Variants in LOXHD1 observed in about 807,000 individuals in gnomAD.
LOXHD1 encodes lipoxygenase homology domain-containing protein 1.
Under a neutral mutation model 248.2 loss-of-function variants are expected in LOXHD1, and 205 were observed. That is an observed-to-expected ratio of 0.83 (90% CI 0.74 to 0.93). The LOEUF (loss-of-function observed/expected upper bound fraction) is 0.93, where lower values mean the gene tolerates loss of function less well. Ranked by LOEUF, LOXHD1 falls within the 40% of genes least tolerant of loss-of-function variation. The probability of loss-of-function intolerance (pLI) is 0.00; values close to 1 mark genes in which losing one functional copy is unlikely to be tolerated. For missense variants in LOXHD1, 2,930 were observed against 2,971.6 expected (o/e 0.99, Z 0.33); for synonymous variants, 1,113 against 1,162.8 (o/e 0.96, Z 0.87).
At chr18:46,624,048 ATGAACTGG>A (rs2144340991) in intron 4 of LOXHD1, among the ~76,000 whole-genome samples, 1 of 152,364 alleles carries the variant, frequency 6.6e-6, no homozygotes, top group African/African-American at 2.4e-5. Flanking sequence ...AGAATCATGA[ATGAACTGG>A]TGGAGTTTCT....
chr18:46,551,842 C>A (rs1033193366), intron 21 of LOXHD1, among the ~76,000 whole-genome samples: 1 of 152,148 alleles, frequency 6.6e-6, no homozygotes, highest in South Asian at 2.1e-4. Flanking sequence ...AAAGGTGGTA[C>A]GTACATACAA....
intron 37 of LOXHD1, among the ~76,000 whole-genome samples, chr18:46,490,675 A>T (rs1455869670): frequency 2.0e-5 from 3 of 152,152 alleles, no homozygotes; most frequent in African/African-American, 7.2e-5. Flanking sequence ...GGGTTTCTCC[A>T]TGTTGGTCAG....
At chr18:46,628,033 T>G (rs2038768698) in intron 4 of LOXHD1, among the ~76,000 whole-genome samples, 2 of 152,146 alleles carry the variant, frequency 1.3e-5, no homozygotes, top group Non-Finnish European at 2.9e-5. Flanking sequence ...AATCACTGAA[T>G]GAATGTGCTT....
intron 26 of LOXHD1, 120 bp from the exon 27 acceptor site, chr18:46,534,571 G>T (rs559032097): frequency 1.1e-5 from 8 of 735,130 alleles, no homozygotes; most frequent in Non-Finnish European, 1.9e-5. Flanking sequence ...CTCCTGATAC[G>T]TCTCCACTAT....
At chr18:46,535,353 G>A (rs188513735) in intron 26 of LOXHD1, among the ~76,000 whole-genome samples, 4 of 152,218 alleles carry the variant, frequency 2.6e-5, no homozygotes, top group East Asian at 1.9e-4. Context: ...CTCATAATGC[G>A]GTGGTGAGCC....
intron 1 of LOXHD1, among the ~76,000 whole-genome samples, chr18:46,655,037 G>C (rs2039161958): frequency 6.6e-6 from 1 of 152,154 alleles, no homozygotes; most frequent in South Asian, 2.1e-4. Context: ...GAAAAAAAAG[G>C]ATAACACATC....
At chr18:46,626,354 G>A (rs931282623) in intron 4 of LOXHD1, among the ~76,000 whole-genome samples, 5 of 152,192 alleles carry the variant, frequency 3.3e-5, no homozygotes, top group East Asian at 3.9e-4. Flanking sequence ...CCCAGCCAAC[G>A]TGGTAAAACC....
intron 14 of LOXHD1, among the ~76,000 whole-genome samples, chr18:46,574,598 C>CA (rs1235100785): frequency 1.4e-5 from 2 of 138,042 alleles, no homozygotes; most frequent in South Asian, 2.3e-4. Flanking sequence ...GTCAGCAAGA[C>CA]ATAAGAACCC....
chr18:46,541,619 C>T (rs1349709724), intron 25 of LOXHD1, among the ~76,000 whole-genome samples, 157 bp downstream of exon 25: 1 of 152,112 alleles, frequency 6.6e-6, no homozygotes, highest in Non-Finnish European at 1.5e-5. Context: ...GCCCACAGCC[C>T]CCACAGAGTC....
chr18:46,485,581 C>A (rs1170412414), intron 38 of LOXHD1, among the ~76,000 whole-genome samples: 3 of 152,152 alleles, frequency 2.0e-5, no homozygotes, highest in Non-Finnish European at 4.4e-5. Flanking sequence ...TCACTTGCAT[C>A]TTGTCTTGGT....
At chr18:46,496,423 T>C (rs556692215) in intron 37 of LOXHD1, among the ~76,000 whole-genome samples, 1 of 152,352 alleles carries the variant, frequency 6.6e-6, no homozygotes, top group East Asian at 1.9e-4. Flanking sequence ...ATGGTATTTG[T>C]TCAGAAATCC....
At position 46,604,214 on chromosome 18, in the gene LOXHD1, T is replaced by C; in HGVS notation, c.775A>G (p.Ile259Val). The change falls in exon 7 of 41, where the codon ATT becomes GTT. Residue 259 changes from isoleucine to valine, a missense_variant. Ile to Val is a conservative substitution (Grantham distance 29, BLOSUM62 3). Transcript: ENST00000642948. Reference sequence around the variant, plus strand: ...AAGTCATATTTTCTTTTGTTCCCAATATCTTCAATGACTATCTGGGAAGGA... The same window carrying C: ...AAGTCATATTTTCTTTTGTTCCCAACATCTTCAATGACTATCTGGGAAGGA... ...WFLSQIVIED[I>V]GNKRKYDFPL... 2.6e-6 allele frequency: 4 copies of C among 1,551,754 alleles called. No individual in the cohort carries two copies. The highest frequency in any genetic ancestry group is 3.5e-6 in the Non-Finnish European group (4 of 1,146,984).
intron 7 of LOXHD1, among the ~76,000 whole-genome samples, chr18:46,601,943 T>C (rs574330187): frequency 6.6e-6 from 1 of 152,198 alleles, no homozygotes; most frequent in Non-Finnish European, 1.5e-5. Flanking sequence ...AAAACATAAC[T>C]TTTAATAGAG....
chr18:46,642,919 G>C (rs1004600295), intron 2 of LOXHD1, among the ~76,000 whole-genome samples: 3 of 152,194 alleles, frequency 2.0e-5, no homozygotes, highest in African/African-American at 7.2e-5. Flanking sequence ...CTCTCAGCCA[G>C]GACTCTCAGG....
At chr18:46,603,255 T>C (rs1179771888) in intron 7 of LOXHD1, among the ~76,000 whole-genome samples, 2 of 150,608 alleles carry the variant, frequency 1.3e-5, no homozygotes, top group African/African-American at 2.4e-5. Context: ...GTTCCGAGGA[T>C]AGAGAGAGAG....
chr18:46,480,760 A>G (rs2032493568), intron 40 of LOXHD1, among the ~76,000 whole-genome samples: 1 of 152,202 alleles, frequency 6.6e-6, no homozygotes, highest in African/African-American at 2.4e-5. Context: ...TATTAGAAAA[A>G]TCCCAGAGAG....
chr18:46,495,782 G>A (rs1190055729), intron 37 of LOXHD1, among the ~76,000 whole-genome samples: 1 of 152,170 alleles, frequency 6.6e-6, no homozygotes, highest in Non-Finnish European at 1.5e-5. Flanking sequence ...TCATTGTTAA[G>A]TATGATAGTG....
At chr18:46,607,549 G>A (rs2038436611) in intron 6 of LOXHD1, among the ~76,000 whole-genome samples, 1 of 151,042 alleles carries the variant, frequency 6.6e-6, no homozygotes. Flanking sequence ...AATATTAACT[G>A]GTTATTTTTG....
In LOXHD1 at chr18:46,509,800, C is replaced by G; in HGVS notation, c.5415G>C (p.Gln1805His). 3.9e-6 allele frequency: 6 copies of G among 1,522,092 alleles called. No individual in the cohort carries two copies. In the South Asian group the frequency reaches 6.0e-5, roughly 15 times the overall value. The allele number at this position is 1,522,092 out of a possible 1,614,324, so 94.3% of individuals were successfully genotyped here. ...GGATCTCCATGATGAAGGTGTCGTT[C>G]TGCTCCCGCTCAAACCTGGGGGTGG... is the stretch of plus-strand genomic sequence containing the variant. The part of the protein sequence containing the change: ...DKKKARFERE[Q>H]NDTFIMEILD... The change falls in exon 35 of 41, where the codon CAG (glutamine) becomes CAC (histidine). Residue 1805 changes from glutamine (Q) to histidine (H), a missense_variant. Coordinates refer to ENST00000642948, the MANE Select transcript of LOXHD1 (RefSeq NM_001384474.1).
Sources: gnomAD v4.1 joint callset for allele counts (sites outside exome capture counted in the v4.1 genomes callset) on GRCh38, gnomAD v4.1.1 for gene constraint, MANE v1.5 for transcripts, NCBI Gene and HGNC (gene_info 2026-07-23, HGNC 2026-07-21) for gene names.